IL23R: variants seen among roughly 807,000 people sequenced by gnomAD.
IL23R encodes interleukin-23 receptor.
Under a neutral mutation model 56.9 loss-of-function variants are expected in IL23R, and 34 were observed. That is an observed-to-expected ratio of 0.60 (90% confidence interval 0.45 to 0.80). IL23R has a LOEUF of 0.80. Among genes scored for constraint, IL23R ranks in the 30% least tolerant of loss-of-function variants. The pLI is 0.00. For missense variants in IL23R, 635 were observed against 730.0 expected, an observed-to-expected ratio of 0.87 and a Z score of 1.50; for synonymous variants, 230 against 249.2, an observed-to-expected ratio of 0.92 and a Z score of 0.73.
chr1:67,157,245 A>G (rs2102539565), intron 1 of IL23R, among the ~76,000 whole-genome samples: 1 of 152,276 alleles, frequency 6.6e-6, no homozygotes, highest in East Asian at 1.9e-4. Context: ...TTATTTGGCC[A>G]TCTTGGCCCC....
At chr1:67,239,266 T>C (rs765306822) in intron 8 of IL23R, among the ~76,000 whole-genome samples, 13 of 152,138 alleles carry the variant, frequency 8.5e-5, no homozygotes, top group Non-Finnish European at 1.9e-4. Flanking sequence ...TTTTGTTTGT[T>C]TGTTTGTTTG....
chr1:67,174,036 T>C (rs1013931148), intron 3 of IL23R, among the ~76,000 whole-genome samples: 2 of 152,238 alleles, frequency 1.3e-5, no homozygotes, highest in African/African-American at 2.4e-5. Context: ...TTTAGGACTG[T>C]ATTATAGTTT....
At chr1:67,139,894 G>A (rs1248154383) in intron 1 of IL23R, among the ~76,000 whole-genome samples, 1 of 152,130 alleles carries the variant, frequency 6.6e-6, no homozygotes, top group Non-Finnish European at 1.5e-5. Context: ...CTTATGAATG[G>A]ATTAATGAAT....
chr1:67,179,043 A>G (rs1314618231), intron 3 of IL23R, among the ~76,000 whole-genome samples: 1 of 152,196 alleles, frequency 6.6e-6, no homozygotes, highest in East Asian at 1.9e-4. Context: ...GGATTTTTGC[A>G]TCGATGTTCA....
chr1:67,201,508 C>T (rs1648629796), intron 5 of IL23R, among the ~76,000 whole-genome samples: 1 of 142,756 alleles, frequency 7.0e-6, no homozygotes, highest in South Asian at 2.2e-4. Context: ...ATAAGATAGA[C>T]AAGGTGCCTG....
intron 6 of IL23R, 198 bp downstream of exon 6, chr1:67,207,253 C>A: frequency 1.5e-6 from 1 of 677,810 alleles, no homozygotes; most frequent in South Asian, 1.6e-5. Flanking sequence ...AGGTTTGTTA[C>A]CTGGATATAT....
At chr1:67,203,585 C>G (rs988708401) in intron 5 of IL23R, among the ~76,000 whole-genome samples, 1 of 152,104 alleles carries the variant, frequency 6.6e-6, no homozygotes, top group African/African-American at 2.4e-5. Flanking sequence ...CTCAGAAACT[C>G]AGGTTGAAAA....
chr1:67,158,171 GTGCCAC>G (rs1221737617), intron 1 of IL23R, among the ~76,000 whole-genome samples: 1 of 151,912 alleles, frequency 6.6e-6, no homozygotes, highest in Non-Finnish European at 1.5e-5. Flanking sequence ...AGCCGAGACT[GTGCCAC>G]TGCACTCCAT....
intron 6 of IL23R, among the ~76,000 whole-genome samples, chr1:67,211,636 A>C (rs931999515): frequency 6.6e-6 from 1 of 152,062 alleles, no homozygotes; most frequent in Admixed American, 6.6e-5. Context: ...GAAAAAAAAA[A>C]AAAGGATACC....
intron 6 of IL23R, among the ~76,000 whole-genome samples, chr1:67,212,636 C>T (rs998797759): frequency 4.0e-5 from 6 of 151,188 alleles, no homozygotes; most frequent in African/African-American, 1.5e-4. Flanking sequence ...GCCTTGACCT[C>T]CTGGACTCAA....
chr1:67,159,323 C>T (rs1185673875), intron 1 of IL23R, among the ~76,000 whole-genome samples: 1 of 151,986 alleles, frequency 6.6e-6, no homozygotes, highest in Non-Finnish European at 1.5e-5. Context: ...GTGTGTGGCA[C>T]TTTCCCCTGC....
upstream of IL23R, among the ~76,000 whole-genome samples, chr1:67,164,000 A>G (rs1646847306): frequency 1.3e-5 from 2 of 152,192 alleles, no homozygotes; most frequent in Non-Finnish European, 2.9e-5. Flanking sequence ...CAACAAAAGC[A>G]AAAATAAATA....
At chr1:67,241,218 T>C (rs1225774857) in intron 9 of IL23R, among the ~76,000 whole-genome samples, 1 of 152,224 alleles carries the variant, frequency 6.6e-6, no homozygotes, top group African/African-American at 2.4e-5. Context: ...AATGTACTTA[T>C]ATGGTCTTTA....
intron 6 of IL23R, among the ~76,000 whole-genome samples, chr1:67,211,662 A>G (rs1386377144): frequency 6.6e-6 from 1 of 151,964 alleles, no homozygotes; most frequent in Non-Finnish European, 1.5e-5. Flanking sequence ...CTCTTACTTC[A>G]TGCAAATAGG....
chr1:67,196,343 C>T (rs761616008), intron 4 of IL23R: 6 of 152,088 alleles, frequency 3.9e-5, no homozygotes, highest in Non-Finnish European at 8.8e-5. Flanking sequence ...GCCTGGGCAA[C>T]ATAGCGAGGC....
chr1:67,232,100 A>G lies in IL23R; in HGVS notation c.956-4613A>G, dbSNP rs112284919. On this transcript the variant is annotated intron_variant, in intron 7 of 10. Coordinates refer to ENST00000347310, the MANE Select transcript of IL23R (RefSeq NM_144701.3). ...CTCCACTAGGCTACCAACATACACAAAAGACTGTTAACATTTTTTTTAAAT... is the reference window on the plus strand; with the variant it reads ...CTCCACTAGGCTACCAACATACACAGAAGACTGTTAACATTTTTTTTAAAT... 6.9e-3 allele frequency among the ~76,000 whole-genome samples: 1,053 copies of G among 152,352 alleles called. 9 individuals are homozygous for G. Among genetic ancestry groups the G allele is most frequent in the African/African-American group, 0.024 (984 of 41,578 alleles).
chr1:67,245,180 T>C (rs550462984), intron 9 of IL23R, among the ~76,000 whole-genome samples: 2 of 152,362 alleles, frequency 1.3e-5, no homozygotes, highest in African/African-American at 4.8e-5. Flanking sequence ...GAGAGTTTGC[T>C]GAAGTTGCTT....
chr1:67,253,692 G>T (rs1652780883), intron 9 of IL23R, among the ~76,000 whole-genome samples: 1 of 152,016 alleles, frequency 6.6e-6, no homozygotes. Context: ...TTTATTTGAG[G>T]CTGTTTTAAA....
intron 1 of IL23R, among the ~76,000 whole-genome samples, chr1:67,151,138 A>G (rs1181343106): frequency 1.3e-5 from 2 of 152,122 alleles, no homozygotes; most frequent in Non-Finnish European, 2.9e-5. Context: ...CTTTTTAATG[A>G]TCACCATTCT....
Sources: gnomAD v4.1 joint callset for allele counts (sites outside exome capture counted in the v4.1 genomes callset) on GRCh38, gnomAD v4.1.1 for gene constraint, MANE v1.5 for transcripts, NCBI Gene and HGNC (gene_info 2026-07-23, HGNC 2026-07-21) for gene names.